Variants in VPS13B observed in about 807,000 individuals in gnomAD.
The protein encoded by VPS13B is intermembrane lipid transfer protein VPS13B.
Under a neutral mutation model 426.4 loss-of-function variants are expected in VPS13B, and 285 were observed. The observed-to-expected ratio is 0.67, with a 90% confidence interval of 0.61 to 0.74. The LOEUF (loss-of-function observed/expected upper bound fraction) is 0.74. Ranked by LOEUF, VPS13B falls within the 30% of genes least tolerant of loss-of-function variation. The probability of loss-of-function intolerance (pLI) is 0.00; values close to 1 mark genes in which losing one functional copy is unlikely to be tolerated. For synonymous variants in VPS13B, 1,676 were observed against 1,676.4 expected (o/e 1.00, Z 0.01); for missense variants, 4,537 against 4,782.6 (o/e 0.95, Z 1.51).
chr8:99,123,275 A>G (rs1034485547), intron 8 of VPS13B, among the ~76,000 whole-genome samples: 9 of 152,212 alleles, frequency 5.9e-5, no homozygotes, highest in African/African-American at 2.2e-4. Context: ...AGACCTGTGA[A>G]AGAGGAAGCC....
chr8:99,552,002 T>G (rs1263117252), intron 30 of VPS13B, among the ~76,000 whole-genome samples: 1 of 151,966 alleles, frequency 6.6e-6, no homozygotes, highest in African/African-American at 2.4e-5. Context: ...AAGCTTTAAT[T>G]AAGCATTTTT....
chr8:99,059,730 C>CTTTTTTTTTTTTTTT (rs34620587), intron 3 of VPS13B, among the ~76,000 whole-genome samples: 1 of 110,182 alleles, frequency 9.1e-6, no homozygotes, highest in Non-Finnish European at 1.7e-5. Flanking sequence ...TTAGCTTCTG[C>CTTTTTTTTTTTTTTT]TTTTTTTTTT....
chr8:99,020,615 C>T (rs1159116684), intron 2 of VPS13B, among the ~76,000 whole-genome samples: 5 of 152,086 alleles, frequency 3.3e-5, no homozygotes, highest in East Asian at 1.9e-4. Context: ...TTTGTTCTTA[C>T]ATAGTATAAG....
chr8:99,854,073 A>C lies in VPS13B; in HGVS notation c.10684A>C (p.Lys3562Gln). The stretch of plus-strand genomic sequence containing the variant: ...CTTGGTGAATCCTGTGAAGTTACGG[A>C]AACTGGTGATCCAGCCAGTAAATTT... ...RALVNPVKLR[K>Q]LVIQPVNLLV... Residue 3562 changes from lysine to glutamine, a missense_variant, in exon 56 of 62, where the codon AAA (lysine) becomes CAA (glutamine). Coordinates refer to ENST00000357162, the MANE Select transcript of VPS13B (RefSeq NM_152564.5). 6.2e-7 allele frequency: 1 copy of C among 1,613,530 alleles called. No individual in the cohort carries two copies.
At chr8:99,250,215 T>C (rs1303202570) in intron 17 of VPS13B, among the ~76,000 whole-genome samples, 2 of 152,176 alleles carry the variant, frequency 1.3e-5, no homozygotes, top group African/African-American at 2.4e-5. Flanking sequence ...TTTCTAATAG[T>C]ATTGTTTGTG....
chr8:99,295,168 AG>A (rs1266924494), intron 19 of VPS13B, among the ~76,000 whole-genome samples: 15 of 152,190 alleles, frequency 9.9e-5, no homozygotes, highest in Non-Finnish European at 1.9e-4. Context: ...TCTTGGTACT[AG>A]GTGATAAAAT....
intron 17 of VPS13B, among the ~76,000 whole-genome samples, chr8:99,200,669 G>C (rs1463626801): frequency 6.6e-6 from 1 of 151,862 alleles, no homozygotes; most frequent in African/African-American, 2.4e-5. Flanking sequence ...GTATCTTTTT[G>C]TGTATTTATT....
intron 16 of VPS13B, among the ~76,000 whole-genome samples, chr8:99,189,506 G>A (rs777995674): frequency 6.7e-5 from 10 of 149,064 alleles, no homozygotes; most frequent in African/African-American, 1.5e-4. Flanking sequence ...CATTGTGCAC[G>A]TTGTAGTTTA....
At chr8:99,210,312 G>T (rs1815003541) in intron 17 of VPS13B, among the ~76,000 whole-genome samples, 1 of 152,042 alleles carries the variant, frequency 6.6e-6, no homozygotes, top group Non-Finnish European at 1.5e-5. Context: ...AATCCTTGTG[G>T]CATACAGTTC....
At chr8:99,746,373 A>G (rs1184838103) in intron 39 of VPS13B, among the ~76,000 whole-genome samples, 1 of 152,052 alleles carries the variant, frequency 6.6e-6, no homozygotes, top group African/African-American at 2.4e-5. Context: ...TCCCCCATGA[A>G]TATTTTACAT....
At chr8:99,647,103 T>C (rs892226875) in intron 34 of VPS13B, among the ~76,000 whole-genome samples, 4 of 152,160 alleles carry the variant, frequency 2.6e-5, no homozygotes, top group Non-Finnish European at 5.9e-5. Flanking sequence ...CTGGGTTGTT[T>C]TGTTTTGAGA....
chr8:99,805,892 T>C (rs927920627), intron 43 of VPS13B, among the ~76,000 whole-genome samples: 1 of 152,116 alleles, frequency 6.6e-6, no homozygotes, highest in Non-Finnish European at 1.5e-5. Flanking sequence ...GATTGAATGA[T>C]GGTAGGGGAA....
rs114609532 is a variant in VPS13B, at chr8:99,758,163, A to G, written c.7051-8611A>G. ...CACATAATAAAGTTATTTTAAATAG[A>G]TCACACAAAATAGAGCCCAGAGTTA... is the stretch of plus-strand genomic sequence containing the variant. On this transcript the variant is annotated intron_variant, in intron 39 of 61. Transcript: ENST00000357162. 3.6e-3 allele frequency among the ~76,000 whole-genome samples: 555 copies of G among 152,340 alleles called. 5 individuals are homozygous for G. The highest frequency in any genetic ancestry group is 0.013 in the African/African-American group (522 of 41,580).
chr8:99,074,314 A>G (rs1366860102), intron 3 of VPS13B, among the ~76,000 whole-genome samples: 2 of 152,060 alleles, frequency 1.3e-5, no homozygotes, highest in Non-Finnish European at 2.9e-5. Flanking sequence ...TTAGATGATC[A>G]TATGGTTTTT....
chr8:99,697,778 A>T, intron 35 of VPS13B: 1 of 625,864 alleles, frequency 1.6e-6, no homozygotes, highest in South Asian at 1.5e-5. Context: ...CACTGAGCTC[A>T]TCAGCACCAT....
chr8:99,326,452 C>CTTTTTTTTTTTT (rs747097247), intron 19 of VPS13B, among the ~76,000 whole-genome samples: 654 of 32,522 alleles, frequency 0.02, 227 homozygotes, highest in South Asian at 0.03. Flanking sequence ...CTCTAGGTAG[C>CTTTTTTTTTTTT]TTTTTTTTTT....
In VPS13B at chr8:99,875,561, CACTGTTAAAACATACCATT is replaced by C; in HGVS notation, c.11892_11910del (p.Val3965TrpfsTer17). ...TGGTGGCTGCAGAACCTCCCCCCTC[CACTGTTAAAACATACCATT>C]ACCTGGTTGATCCACATTTTGCTCA... On this transcript the variant is annotated frameshift_variant, in exon 62 of 62. Coordinates refer to ENST00000357162, the MANE Select transcript of VPS13B (RefSeq NM_152564.5). LOFTEE classifies it high-confidence loss of function. The C allele has an allele frequency of 1.2e-6, 2 of 1,614,204 alleles. No individual in the cohort carries two copies. Among genetic ancestry groups the C allele is most frequent in the Non-Finnish European group, 1.7e-6 (2 of 1,180,038 alleles).
chr8:99,387,186 C>G (rs1307681711), intron 20 of VPS13B, among the ~76,000 whole-genome samples: 2 of 152,064 alleles, frequency 1.3e-5, no homozygotes, highest in Non-Finnish European at 2.9e-5. Context: ...CAAATTGCTT[C>G]CAAAATGGGT....
chr8:99,140,226 G>A (rs1340229288), intron 12 of VPS13B, among the ~76,000 whole-genome samples: 3 of 151,788 alleles, frequency 2.0e-5, no homozygotes, highest in East Asian at 3.9e-4. Flanking sequence ...TTAGCCGGGG[G>A]TGGTGGCAGG....
Sources: allele counts gnomAD v4.1 joint callset (sites outside exome capture counted in the v4.1 genomes callset), GRCh38; gene constraint gnomAD v4.1.1; transcripts MANE v1.5; gene names NCBI Gene and HGNC (gene_info 2026-07-23, HGNC 2026-07-21).